NOL4L: variants seen among roughly 807,000 people sequenced by gnomAD.
NOL4L encodes nucleolar protein 4-like.
In NOL4L, 7 loss-of-function variants were observed where a neutral mutation model predicts 64.5. That is an observed-to-expected ratio of 0.11 (90% confidence interval 0.06 to 0.20). NOL4L has a LOEUF of 0.20. Ranked by LOEUF, NOL4L falls within the 10% of genes least tolerant of loss-of-function variation. The pLI is 1.00. For synonymous variants in NOL4L, 413 were observed against 401.0 expected (o/e 1.03, Z -0.36); for missense variants, 680 against 967.1 (o/e 0.70, Z 3.94).
rs1568654908 is a variant in NOL4L, at chr20:32,494,252, G to GAAAAAAAAA, written c.699+17094_699+17095insTTTTTTTTT. On this transcript the variant is annotated intron_variant, in intron 4 of 10. Coordinates refer to ENST00000621426, the MANE Select transcript of NOL4L (RefSeq NM_001256798.2). Reference sequence around the variant, plus strand: ...TGGGCCACAGAGTGAGATAATCTCGGGAAAAAAAAAAAAAAAAAAAAAAAA... The same window carrying GAAAAAAAAA: ...TGGGCCACAGAGTGAGATAATCTCGGAAAAAAAAAGAAAAAAAAAAAAAAAAAAAAAAAA... Among the ~76,000 whole-genome samples, 16 of 27,098 alleles carry GAAAAAAAAA rather than the reference G, an allele frequency of 5.9e-4. 3 individuals carry two copies. Among genetic ancestry groups the GAAAAAAAAA allele is most frequent in the African/African-American group, 2.0e-3 (13 of 6,486 alleles). The allele number at this position is 27,098 out of a possible 152,430, so 17.8% of individuals were successfully genotyped here. A position where few individuals can be genotyped will look rare whatever the true frequency, so the allele number is the denominator to read the frequency against.
intron 5 of NOL4L, among the ~76,000 whole-genome samples, chr20:32,462,828 C>G (rs2014194478): frequency 7.0e-6 from 1 of 143,280 alleles, no homozygotes; most frequent in Non-Finnish European, 1.5e-5. Context: ...TCGCTTGAAC[C>G]CGGGAGGTGG....
intron 4 of NOL4L, among the ~76,000 whole-genome samples, chr20:32,484,623 C>G (rs2015971534): frequency 1.3e-5 from 2 of 152,140 alleles, no homozygotes; most frequent in South Asian, 4.2e-4. Flanking sequence ...CTCCGCCAGC[C>G]CACACCGGGC....
At chr20:32,533,659 G>A (rs1049128287) in intron 1 of NOL4L, among the ~76,000 whole-genome samples, 1 of 152,190 alleles carries the variant, frequency 6.6e-6, no homozygotes, top group Non-Finnish European at 1.5e-5. Flanking sequence ...GACTTAATGT[G>A]GATTATGGAT....
intron 3 of NOL4L, chr20:32,519,642 A>G (rs2017837967): frequency 6.6e-6 from 1 of 152,256 alleles, no homozygotes; most frequent in Non-Finnish European, 1.5e-5. Flanking sequence ...GCCACCTGCA[A>G]ACAGATGGGC....
At chr20:32,456,483 C>T in intron 5 of NOL4L, 88 bp from the exon 6 acceptor site, 1 of 1,283,894 alleles carries the variant, frequency 7.8e-7, no homozygotes, top group East Asian at 3.1e-5. Flanking sequence ...GTGTCCTCCT[C>T]ATGAGTGTCC....
At chr20:32,506,941 C>A in intron 4 of NOL4L, among the ~76,000 whole-genome samples, 1 of 152,320 alleles carries the variant, frequency 6.6e-6, no homozygotes, top group South Asian at 2.1e-4. Flanking sequence ...CCACTTCACA[C>A]ACTGCTGTGA....
At chr20:32,568,146 C>A (rs1266146259) in intron 1 of NOL4L, among the ~76,000 whole-genome samples, 2 of 152,076 alleles carry the variant, frequency 1.3e-5, no homozygotes, top group African/African-American at 4.8e-5. Context: ...TCCTCACCAC[C>A]ATCCCCACCA....
chr20:32,491,032 C>G (rs2145518588), intron 4 of NOL4L, among the ~76,000 whole-genome samples: 1 of 152,308 alleles, frequency 6.6e-6, no homozygotes, highest in South Asian at 2.1e-4. Context: ...GGCCTGTGTT[C>G]CTTCCACACA....
At position 32,582,341 on chromosome 20, in the gene NOL4L, G is replaced by A. The variant is rs545358783; in HGVS notation, c.321+2229C>T. On this transcript the variant is annotated intron_variant, in intron 1 of 10. Transcript: ENST00000621426. ...GCCAGGGTGGAGACTGGGGACGGTC[G>A]CGCTGCCAGGGGCAGGCAGAGCGGG... Among the ~76,000 whole-genome samples, 88 of 152,276 alleles carry A rather than the reference G, an allele frequency of 5.8e-4. No individual in the cohort carries two copies. The South Asian group carries it at 6.4e-3, about 11-fold the overall frequency.
intron 2 of NOL4L, among the ~76,000 whole-genome samples, chr20:32,521,336 C>T (rs931178030): frequency 1.3e-5 from 2 of 152,070 alleles, no homozygotes; most frequent in African/African-American, 4.8e-5. Flanking sequence ...TGCCCCAGGC[C>T]CATACACAGA....
intron 4 of NOL4L, among the ~76,000 whole-genome samples, chr20:32,482,893 C>T (rs181582464): frequency 1.1e-3 from 171 of 152,060 alleles, no homozygotes; most frequent in African/African-American, 3.9e-3. Flanking sequence ...CCCGCCCCGC[C>T]GCCAGAGAAC....
intron 1 of NOL4L, among the ~76,000 whole-genome samples, chr20:32,556,591 C>T (rs1333732928): frequency 6.6e-6 from 1 of 152,210 alleles, no homozygotes. Context: ...CAAAGTCACA[C>T]AGCCGAGCAG....
At chr20:32,467,507 G>A (rs963887057) in intron 5 of NOL4L, among the ~76,000 whole-genome samples, 1 of 152,196 alleles carries the variant, frequency 6.6e-6, no homozygotes, top group African/African-American at 2.4e-5. Flanking sequence ...TGGCTGTGAG[G>A]TAAGCTGCAG....
intron 1 of NOL4L, among the ~76,000 whole-genome samples, chr20:32,556,918 G>A (rs1485382057): frequency 2.0e-5 from 3 of 152,234 alleles, no homozygotes; most frequent in Non-Finnish European, 4.4e-5. Flanking sequence ...TATGCAGGAG[G>A]CAGCTTGTGT....
chr20:32,457,635 C>T (rs1393984322), intron 5 of NOL4L, among the ~76,000 whole-genome samples: 1 of 152,206 alleles, frequency 6.6e-6, no homozygotes, highest in Non-Finnish European at 1.5e-5. Flanking sequence ...GCAGCCAGGC[C>T]GGGCAGAGGG....
rs375002475 is a variant in NOL4L at position 32,581,432 on chromosome 20, C to T, written c.321+3138G>A. 2.5e-4 allele frequency among the ~76,000 whole-genome samples: 38 copies of T among 152,326 alleles called. No individual in the cohort carries two copies. The South Asian group carries it at 3.7e-3, about 15-fold the overall frequency. On this transcript the variant is annotated intron_variant, in intron 1 of 10. Transcript: ENST00000621426. ...GGACAAGTGGTGTCAGATCATCGAC[C>T]CGAGGCTGGCCGGGACTAGGAGAGG... is the stretch of plus-strand genomic sequence containing the variant.
At chr20:32,580,389 G>A (rs1263318383) in intron 1 of NOL4L, among the ~76,000 whole-genome samples, 2 of 152,210 alleles carry the variant, frequency 1.3e-5, no homozygotes, top group Non-Finnish European at 2.9e-5. Context: ...ATATTACGCG[G>A]TGCTAAGTCA....
intron 1 of NOL4L, among the ~76,000 whole-genome samples, chr20:32,555,269 C>A (rs1978575819): frequency 6.6e-6 from 1 of 152,062 alleles, no homozygotes; most frequent in South Asian, 2.1e-4. Flanking sequence ...GAAGTCCTGA[C>A]CCCTGTTAAT....
At chr20:32,582,150 C>G (rs1980516698) in intron 1 of NOL4L, 1 of 152,210 alleles carries the variant, frequency 6.6e-6, no homozygotes, top group East Asian at 1.9e-4. Context: ...TCGGGACCAG[C>G]AGGCCAGGCA....
Sources: allele counts gnomAD v4.1 joint callset (sites outside exome capture counted in the v4.1 genomes callset), GRCh38; gene constraint gnomAD v4.1.1; transcripts MANE v1.5; gene names NCBI Gene and HGNC (gene_info 2026-07-23, HGNC 2026-07-21).